Variants in INSR observed in about 807,000 individuals in gnomAD.
The protein encoded by INSR is insulin receptor, also known as IR.
Under a neutral mutation model 142.6 loss-of-function variants are expected in INSR, and 67 were observed. The ratio of observed to expected loss-of-function variants is 0.47; its 90% CI spans 0.39 to 0.58. INSR has a LOEUF of 0.58. Among genes scored for constraint, INSR ranks in the 20% least tolerant of loss-of-function variants. INSR has a pLI of 0.00. For missense variants in INSR, 1,248 were observed against 1,833.2 expected (o/e 0.68, Z 5.83); for synonymous variants, 756 against 743.1 (o/e 1.02, Z -0.28).
chr19:7,243,064 A>G (rs967868973), intron 2 of INSR, among the ~76,000 whole-genome samples: 1 of 152,094 alleles, frequency 6.6e-6, no homozygotes, highest in Admixed American at 6.6e-5. Flanking sequence ...ACATACAAGG[A>G]GCACAGACTC....
chr19:7,266,529 G>A (rs1290721279), intron 2 of INSR, among the ~76,000 whole-genome samples: 1 of 152,036 alleles, frequency 6.6e-6, no homozygotes, highest in East Asian at 1.9e-4. Flanking sequence ...GGGACTACAG[G>A]CGTGCACCGC....
At chr19:7,173,327 C>CT (rs113047448) in intron 4 of INSR, among the ~76,000 whole-genome samples, 29 of 151,484 alleles carry the variant, frequency 1.9e-4, no homozygotes, top group African/African-American at 5.3e-4. Context: ...TATTTCTTTT[C>CT]TTTTTTTTTG....
At chr19:7,204,136 G>A (rs925333842) in intron 2 of INSR, among the ~76,000 whole-genome samples, 7 of 150,500 alleles carry the variant, frequency 4.7e-5, no homozygotes, top group African/African-American at 1.5e-4. Context: ...TCTGCCTCCC[G>A]GGTTCAAGCA....
In INSR at chr19:7,166,483, G is replaced by T; in HGVS notation, c.1611-79C>A. 1 of 1,499,660 alleles carries T rather than the reference G, an allele frequency of 6.7e-7. No homozygotes were observed. Among genetic ancestry groups the T allele is most frequent in the Non-Finnish European group, 9.1e-7 (1 of 1,094,312 alleles). 92.9% of individuals were successfully genotyped at this position (1,499,660 alleles called of 1,614,324 possible). On this transcript the variant is annotated intron_variant, in intron 7 of 21. Coordinates refer to ENST00000302850, the MANE Select transcript of INSR (RefSeq NM_000208.4). This position sits in a 1 kb window ranked among gnomAD's most constrained non-coding sequence, Gnocchi z 4.1. ...GTGCCGTGCAGATGAGGCCTGGGAA[G>T]TTACATCCCATAGGGTCACATGTTA...
At chr19:7,263,662 T>TGCA in intron 2 of INSR, among the ~76,000 whole-genome samples, 1 of 152,190 alleles carries the variant, frequency 6.6e-6, no homozygotes, top group Admixed American at 6.6e-5. Context: ...CAGGGCTCAG[T>TGCA]GCAGCTTCGA....
intron 1 of INSR, among the ~76,000 whole-genome samples, chr19:7,275,534 G>C (rs1293648981): frequency 6.6e-6 from 1 of 151,972 alleles, no homozygotes; most frequent in Non-Finnish European, 1.5e-5. Flanking sequence ...TGTAATCCCA[G>C]CACTTTGGGA....
At chr19:7,286,359 T>C (rs916021655) in intron 1 of INSR, among the ~76,000 whole-genome samples, 5 of 152,024 alleles carry the variant, frequency 3.3e-5, no homozygotes, top group Admixed American at 2.6e-4. Flanking sequence ...TGGAATGCTT[T>C]TGGGGACAGG....
At chr19:7,263,003 C>T (rs1476248706) in intron 2 of INSR, among the ~76,000 whole-genome samples, 5 of 152,130 alleles carry the variant, frequency 3.3e-5, no homozygotes, top group African/African-American at 2.4e-5. Context: ...TGGGGCCAGG[C>T]GCGGTGGCAC....
intron 19 of INSR, 89 bp from the exon 20 acceptor site, chr19:7,120,838 T>C (rs1173087632): frequency 6.5e-7 from 1 of 1,548,374 alleles, no homozygotes; most frequent in Non-Finnish European, 8.8e-7. Context: ...CACAGAGCCC[T>C]AAGAGGGGTT....
At chr19:7,212,324 C>A (rs995285594) in intron 2 of INSR, among the ~76,000 whole-genome samples, 1 of 152,166 alleles carries the variant, frequency 6.6e-6, no homozygotes, top group South Asian at 2.1e-4. Context: ...GGGGCTCCAG[C>A]ACCCCATTCC....
chr19:7,185,170 T>A (rs58400572), intron 2 of INSR, among the ~76,000 whole-genome samples: 2 of 152,122 alleles, frequency 1.3e-5, no homozygotes, highest in Non-Finnish European at 2.9e-5. Context: ...TTAAAAAGCT[T>A]TGTTAATTTA....
In INSR at chr19:7,267,491, T is replaced by A. The variant is rs1161177676; in HGVS notation, c.506A>T (p.Asp169Val). Residue 169 changes from aspartate to valine, a missense_variant, in exon 2 of 22, where the codon GAT becomes GTT. Asp to Val is a radical substitution (Grantham distance 152). Coordinates refer to ENST00000302850, the MANE Select transcript of INSR (RefSeq NM_000208.4). The surrounding 1 kb of genome is among the most constrained non-coding windows in gnomAD (Gnocchi z 6.3). ...DWSRILDSVE[D>V]NYIVLNKDDN... Reference sequence around the variant, plus strand: ...ATCTTTGTTCAACACGATGTAATTATCCTCCACGGAATCCAGGATACGGGA... The same window carrying A: ...ATCTTTGTTCAACACGATGTAATTAACCTCCACGGAATCCAGGATACGGGA... The A allele has an allele frequency of 6.2e-7, 1 of 1,614,074 alleles. No individual in the cohort carries two copies. The highest frequency in any genetic ancestry group is 8.5e-7 in the Non-Finnish European group (1 of 1,180,028).
chr19:7,271,217 C>T (rs1014681935), intron 1 of INSR, among the ~76,000 whole-genome samples: 3 of 152,064 alleles, frequency 2.0e-5, no homozygotes, highest in Middle Eastern at 3.2e-3. Context: ...AGAAATGGGC[C>T]GGGCACCGTG....
chr19:7,142,752 A>G, intron 12 of INSR, 64 bp downstream of exon 12: 1 of 1,584,438 alleles, frequency 6.3e-7, no homozygotes, highest in Non-Finnish European at 8.6e-7. Context: ...AGGGTGGAGA[A>G]TCTGTCCTTG....
chr19:7,190,007 GTTAAC>G (rs370956381), intron 2 of INSR, among the ~76,000 whole-genome samples: 1 of 151,826 alleles, frequency 6.6e-6, no homozygotes, highest in Non-Finnish European at 1.5e-5. Flanking sequence ...GGAAATTAGA[GTTAAC>G]TTACAGACAG....
chr19:7,127,481 C>T (rs1972674132), intron 15 of INSR, among the ~76,000 whole-genome samples: 1 of 152,172 alleles, frequency 6.6e-6, no homozygotes, highest in Non-Finnish European at 1.5e-5. Context: ...AACTCTCATA[C>T]TACATTTAAA....
At chr19:7,240,869 G>A (rs539728005) in intron 2 of INSR, among the ~76,000 whole-genome samples, 1 of 152,222 alleles carries the variant, frequency 6.6e-6, no homozygotes, top group Admixed American at 6.5e-5. Context: ...TGAATTTAAC[G>A]TTTAGACCTC....
Position 7,194,678 on chromosome 19 carries a change from A to ATT in INSR, c.653-10043_653-10042dup, listed in dbSNP as rs35692691. Among the ~76,000 whole-genome samples the ATT allele has an allele frequency of 2.7e-5, 3 of 111,308 alleles. No homozygotes were observed. In the South Asian group the frequency reaches 9.7e-4, roughly 36 times the overall value. 73.0% of individuals were successfully genotyped at this position (111,308 alleles called of 152,430 possible). The stretch of plus-strand genomic sequence containing the variant: ...CAGGCACACGCCACCACACCAACTG[A>ATT]TTTTTTTTTTTTTTTTTTTTTTAGT... On this transcript the variant is annotated intron_variant, in intron 2 of 21. Transcript: ENST00000302850.
chr19:7,132,268 C>T lies in INSR; in HGVS notation c.2732G>A (p.Cys911Tyr). 2 of 1,614,202 alleles carry T rather than the reference C, an allele frequency of 1.2e-6. No homozygotes were observed. Among genetic ancestry groups the T allele is most frequent in the Non-Finnish European group, 1.7e-6 (2 of 1,180,032 alleles). Residue 911 changes from cysteine (C) to tyrosine (Y), a missense_variant, in exon 14 of 22, where the codon TGC becomes TAC. This residue lies in a region of INSR where 1,069 missense variants were observed against 1,654.0 expected (regional missense o/e 0.65). Transcript: ENST00000302850. ...CCCCGGTGACAGCCCACGCAGCCTG[C>T]AGCCCCGTTCCAGAGCGAAGTGCTT... ...SRKHFALERG[C>Y]RLRGLSPGNY...
Sources: gnomAD v4.1 joint callset for allele counts (sites outside exome capture counted in the v4.1 genomes callset) on GRCh38, gnomAD v4.1.1 for gene constraint, gnomAD v4.1.1 regional missense constraint, Gnocchi (gnomAD v3.1) non-coding constraint, MANE v1.5 for transcripts, NCBI Gene and HGNC (gene_info 2026-07-23, HGNC 2026-07-21) for gene names.